TENM1: variants seen among roughly 807,000 people sequenced by gnomAD.
TENM1 encodes the protein teneurin transmembrane protein 1.
Under a neutral mutation model 174.8 loss-of-function variants are expected in TENM1, and 35 were observed. The ratio of observed to expected loss-of-function variants is 0.20; its 90% CI spans 0.15 to 0.27. The LOEUF (loss-of-function observed/expected upper bound fraction) is 0.27, where lower values mean the gene tolerates loss of function less well. Ranked by LOEUF, TENM1 falls within the 10% of genes least tolerant of loss-of-function variation. TENM1 has a pLI of 1.00. For missense variants in TENM1, 1,633 were observed against 2,130.1 expected (o/e 0.77, Z 4.59); for synonymous variants, 781 against 798.7 (o/e 0.98, Z 0.37).
chrX:124,793,945 G>C (rs192754503), intron 3 of TENM1, among the ~76,000 whole-genome samples: 110 of 110,135 alleles, frequency 1.0e-3, no homozygotes, highest in Middle Eastern at 4.7e-3. Context: ...TCTCCCAAGT[G>C]GCCCCTTGCC....
intron 1 of TENM1, among the ~76,000 whole-genome samples, chrX:124,962,846 A>T (rs57378628): frequency 0.086 from 9,554 of 110,926 alleles, 962 homozygotes; most frequent in African/African-American, 0.29. Flanking sequence ...ACAAAACAAA[A>T]CAAAACAAAA....
rs187788393 is a variant in TENM1, at chrX:124,776,396, C to T, written c.536-39199G>A. ...GTTAAGAAGAAGTATAATCAGAATA[C>T]TGGATGATAATTACATGTAAATGAA... On this transcript the variant is annotated intron_variant, in intron 3 of 31. Coordinates refer to ENST00000422452, the Ensembl canonical transcript of TENM1. 3.8e-3 allele frequency among the ~76,000 whole-genome samples: 420 copies of T among 111,559 alleles called. 3 individuals are homozygous for T. The highest frequency in any genetic ancestry group is 0.013 in the African/African-American group (393 of 30,721).
intron 6 of TENM1, among the ~76,000 whole-genome samples, chrX:124,662,327 G>A (rs923419983): frequency 9.2e-6 from 1 of 108,683 alleles, no homozygotes; most frequent in African/African-American, 3.4e-5. Context: ...GGTGGTGCGC[G>A]CCTGTAATCC....
chrX:124,457,434 A>G (rs1022032771), intron 22 of TENM1, among the ~76,000 whole-genome samples: 3 of 112,075 alleles, frequency 2.7e-5, no homozygotes, highest in Non-Finnish European at 5.6e-5. Context: ...ATATTATATA[A>G]TATCTGAACT....
chrX:124,680,917 AG>A (rs1009772193), intron 5 of TENM1, among the ~76,000 whole-genome samples: 2 of 110,463 alleles, frequency 1.8e-5, no homozygotes, highest in African/African-American at 6.6e-5. Flanking sequence ...AATAGTAACC[AG>A]GTTCTTTTAA....
chrX:124,995,272 T>C, the TENM1 span, among the ~76,000 whole-genome samples: 1 of 111,162 alleles, frequency 9.0e-6, no homozygotes. Context: ...ATAATACAGT[T>C]TATATGTGTA....
the TENM1 span, among the ~76,000 whole-genome samples, chrX:125,005,407 TTGTGTGTGTGTGTGTGTG>T: frequency 2.2e-5 from 2 of 89,479 alleles, no homozygotes; most frequent in Non-Finnish European, 4.5e-5. Context: ...CCTGACTTGG[TTGTGTGTGTGTGTGTGTG>T]TGTGTGTGTG....
chrX:124,437,390 G>C (rs957845918), intron 23 of TENM1, among the ~76,000 whole-genome samples: 9 of 111,099 alleles, frequency 8.1e-5, no homozygotes, highest in Non-Finnish European at 1.5e-4. Flanking sequence ...TTTGGCCCCA[G>C]AGACTTTGCT....
chrX:124,737,357 T>C (rs2053699151), intron 3 of TENM1, among the ~76,000 whole-genome samples, 160 bp from the exon 7 acceptor site: 1 of 111,992 alleles, frequency 8.9e-6, no homozygotes, highest in South Asian at 3.8e-4. Context: ...GCCACTTAAC[T>C]TACAAAAGCA....
the TENM1 span, among the ~76,000 whole-genome samples, chrX:125,016,914 T>A: frequency 9.0e-6 from 1 of 110,857 alleles, no homozygotes; most frequent in African/African-American, 3.3e-5. Flanking sequence ...ACGCCACACA[T>A]CTACAACAAT....
chrX:124,731,714 A>C (rs5958568), intron 4 of TENM1, among the ~76,000 whole-genome samples: 19,521 of 111,483 alleles, frequency 0.18, 2,310 homozygotes, highest in African/African-American at 0.43. Flanking sequence ...ATTCTCTAAG[A>C]ACAAGTTATG....
At chrX:125,100,681 C>T in the TENM1 span, among the ~76,000 whole-genome samples, 4 of 111,818 alleles carry the variant, frequency 3.6e-5, no homozygotes, top group African/African-American at 1.3e-4. Flanking sequence ...TGCTTTCGTT[C>T]TTAAAAGTCT....
chrX:124,932,651 T>C (rs2058188491), intron 1 of TENM1, among the ~76,000 whole-genome samples: 1 of 111,595 alleles, frequency 9.0e-6, no homozygotes, highest in African/African-American at 3.3e-5. Context: ...GAATAGGATT[T>C]GGAAATGCTA....
At chrX:124,970,080 T>C in the TENM1 span, among the ~76,000 whole-genome samples, 41 of 111,935 alleles carry the variant, frequency 3.7e-4, 1 homozygote, top group East Asian at 0.01. Context: ...AACTAAAATA[T>C]TGTTTTGAAT....
At chrX:124,753,048 G>A (rs1488414144) in intron 3 of TENM1, among the ~76,000 whole-genome samples, 42 of 110,687 alleles carry the variant, frequency 3.8e-4, no homozygotes, top group African/African-American at 1.4e-3. Flanking sequence ...GCTTGATGGG[G>A]ATGGCATTGA....
intron 22 of TENM1, among the ~76,000 whole-genome samples, chrX:124,466,267 A>C (rs1349275055): frequency 8.9e-6 from 1 of 111,997 alleles, no homozygotes; most frequent in South Asian, 3.7e-4. Flanking sequence ...ATTAAGGTCT[A>C]TTTTAGAAAC....
At chrX:124,856,198 T>C (rs958123668) in intron 3 of TENM1, among the ~76,000 whole-genome samples, 1 of 110,814 alleles carries the variant, frequency 9.0e-6, no homozygotes, top group Non-Finnish European at 1.9e-5. Context: ...GAGAAATGAG[T>C]CTGAACTGTC....
chrX:124,980,416 A>T, the TENM1 span, among the ~76,000 whole-genome samples: 1 of 111,211 alleles, frequency 9.0e-6, no homozygotes, highest in Non-Finnish European at 1.9e-5. Flanking sequence ...AAAATACCAT[A>T]AGTCGAAAAT....
chrX:124,934,363 T>C, intron 1 of TENM1, among the ~76,000 whole-genome samples: 1 of 112,213 alleles, frequency 8.9e-6, no homozygotes. Flanking sequence ...TATTCAAACA[T>C]TCAGATGAGC....
Sources: allele counts gnomAD v4.1 joint callset (sites outside exome capture counted in the v4.1 genomes callset), GRCh38; gene constraint gnomAD v4.1.1; transcripts MANE v1.5; gene names NCBI Gene and HGNC (gene_info 2026-07-23, HGNC 2026-07-21).